The following VPS52 variants were observed in gnomAD, a reference collection of about 807,000 sequenced individuals.
VPS52 encodes the protein VPS52 subunit of GARP complex, also known as vacuolar protein sorting-associated protein 52 homolog.
In VPS52, 56 loss-of-function variants were observed where a neutral mutation model predicts 98.7. The observed-to-expected ratio is 0.57, with a 90% CI of 0.46 to 0.71. The LOEUF is 0.71. VPS52 is among the 30% of genes least tolerant of loss of function. The pLI is 0.00. For missense variants in VPS52, 742 were observed against 925.9 expected, an observed-to-expected ratio of 0.80 and a Z score of 2.58; for synonymous variants, 348 against 346.4, an observed-to-expected ratio of 1.00 and a Z score of -0.05.
At chr6:33,251,790 C>G in intron 18 of VPS52, 70 bp downstream of exon 18, 1 of 1,521,456 alleles carries the variant, frequency 6.6e-7, no homozygotes, top group Non-Finnish European at 9.1e-7. Flanking sequence ...ACCATGTAAT[C>G]TGCATCCTTT....
At position 33,266,727 on chromosome 6, in the gene VPS52, G is replaced by T; in HGVS notation, c.1126-15C>A. ...TCAAATGGATACTGGGAGAGGAGGAGTAAAGAAGAAAAACAGAAGGGATGG... is the reference window on the plus strand; with the variant it reads ...TCAAATGGATACTGGGAGAGGAGGATTAAAGAAGAAAAACAGAAGGGATGG... On this transcript the variant is annotated splice_polypyrimidine_tract_variant and intron_variant, in intron 11 of 19. Transcript: ENST00000445902. The T allele has an allele frequency of 6.3e-7, 1 of 1,590,798 alleles. No homozygotes were observed. Among genetic ancestry groups the T allele is most frequent in the African/African-American group, 1.4e-5 (1 of 74,068 alleles).
rs1250270999 is a variant in VPS52 at position 33,250,530 on chromosome 6, G to A, written c.*311C>T. On this transcript the variant is annotated 3_prime_UTR_variant, in exon 20 of 20. Transcript: ENST00000445902. ...AGATTGAGGCAGTGGTTTTTACAGG[G>A]GAAGAAACAAGCCTTGGGTGTATGG... 5 of 342,596 alleles carry A rather than the reference G, an allele frequency of 1.5e-5. No homozygotes were observed. The highest frequency in any genetic ancestry group is 2.7e-5 in the Non-Finnish European group (5 of 188,320). The allele number at this position is 342,596 out of a possible 1,614,324, so 21.2% of individuals were successfully genotyped here. A position where few individuals can be genotyped will look rare whatever the true frequency, so the allele number is the denominator to read the frequency against.
At position 33,267,249 on chromosome 6, in the gene VPS52, G is replaced by C; in HGVS notation, c.1064C>G (p.Ser355Cys). 1 of 1,604,612 alleles carries C rather than the reference G, an allele frequency of 6.2e-7. No homozygotes were observed. The highest frequency in any genetic ancestry group is 8.5e-7 in the Non-Finnish European group (1 of 1,175,882). ...FTLGTRGSVI[S>C]PTELEAPILV... is the part of the protein sequence containing the mutation. ...GATGGGGGCCTCAAGTTCAGTGGGG[G>C]AGATGACAGAGCCGCGGGTTCCTAG... Residue 355 changes from serine (S) to cysteine (C), a missense_variant, in exon 11 of 20, where the codon TCC (serine) becomes TGC (cysteine). Transcript: ENST00000445902. This position sits in a 1 kb window ranked among gnomAD's most constrained non-coding sequence, Gnocchi z 4.2.
intron 17 of VPS52, among the ~76,000 whole-genome samples, chr6:33,256,639 G>A (rs529195965): frequency 4.0e-5 from 6 of 151,150 alleles, no homozygotes; most frequent in African/African-American, 7.3e-5. Context: ...AAAACTTTTC[G>A]AGACCAGCCT....
Position 33,267,341 on chromosome 6 carries a change from G to A in VPS52, c.992-20C>T, listed in dbSNP as rs138172203. ...AGAATCGTAAGATGGGTCAGAGTCAGGGAAAACAATGAGACCATAACTGGG... is the reference window on the plus strand; with the variant it reads ...AGAATCGTAAGATGGGTCAGAGTCAAGGAAAACAATGAGACCATAACTGGG... On this transcript the variant is annotated intron_variant, in intron 10 of 19. Transcript: ENST00000445902. This position sits in a 1 kb window ranked among gnomAD's most constrained non-coding sequence, Gnocchi z 4.2. 1.1e-3 allele frequency: 1,713 copies of A among 1,555,266 alleles called. 8 individuals are homozygous for A. Among genetic ancestry groups the A allele is most frequent in the African/African-American group, 9.0e-3 (660 of 73,022 alleles).
intron 17 of VPS52, among the ~76,000 whole-genome samples, chr6:33,259,187 C>T (rs147279793): frequency 1.3e-5 from 2 of 152,152 alleles, no homozygotes; most frequent in African/African-American, 4.8e-5. Flanking sequence ...AACACCACTA[C>T]GGGGTAACTG....
intron 19 of VPS52, 109 bp downstream of exon 19, chr6:33,251,409 C>T: frequency 4.0e-6 from 3 of 753,108 alleles, no homozygotes; most frequent in Non-Finnish European, 6.9e-6. Context: ...TTGGGCACAG[C>T]TAGTAACTGA....
intron 19 of VPS52, 153 bp downstream of exon 19, chr6:33,251,365 A>C (rs213216): frequency 0.38 from 249,641 of 661,058 alleles, 50,548 homozygotes; most frequent in East Asian, 0.67. Context: ...AACAAACAAA[A>C]AAAAAAGAAT....
chr6:33,269,965 T>C, intron 3 of VPS52, 34 bp downstream of exon 3: 1 of 1,613,852 alleles, frequency 6.2e-7, no homozygotes, highest in East Asian at 2.2e-5. Flanking sequence ...GTAGAATAGA[T>C]AGAAGGGCAG....
At chr6:33,253,201 T>G (rs1762516744) in intron 17 of VPS52, among the ~76,000 whole-genome samples, 1 of 152,126 alleles carries the variant, frequency 6.6e-6, no homozygotes, top group African/African-American at 2.4e-5. Context: ...TAAAAATCAT[T>G]TATGAAGGCC....
chr6:33,253,844 TG>T (rs1233689995), intron 17 of VPS52, among the ~76,000 whole-genome samples: 2 of 152,070 alleles, frequency 1.3e-5, no homozygotes, highest in Non-Finnish European at 2.9e-5. Context: ...TCAAAGTAAC[TG>T]GGGGACACAG....
At chr6:33,264,560 G>C (rs1764060543) in intron 13 of VPS52, 63 bp from the exon 14 acceptor site, 1 of 1,605,312 alleles carries the variant, frequency 6.2e-7, no homozygotes, top group Non-Finnish European at 8.5e-7. Flanking sequence ...ATGGGAGGGA[G>C]TGGGGCATCA....
chr6:33,257,234 T>C (rs1363105419), intron 17 of VPS52, among the ~76,000 whole-genome samples: 1 of 152,092 alleles, frequency 6.6e-6, no homozygotes, highest in Non-Finnish European at 1.5e-5. Flanking sequence ...GAGGTCTCAC[T>C]ATACTGCCTA....
intron 13 of VPS52, 58 bp from the exon 14 acceptor site, chr6:33,264,555 AG>A: frequency 6.2e-7 from 1 of 1,606,452 alleles, no homozygotes; most frequent in Admixed American, 1.7e-5. Context: ...GGGGGATGGG[AG>A]GGAGTGGGGC....
At chr6:33,254,312 C>A (rs866059691) in intron 17 of VPS52, among the ~76,000 whole-genome samples, 1 of 152,042 alleles carries the variant, frequency 6.6e-6, no homozygotes, top group Non-Finnish European at 1.5e-5. Context: ...AAAATTGTAT[C>A]TTTTCTATTC....
chr6:33,261,681 G>A (rs1466890597), intron 17 of VPS52, among the ~76,000 whole-genome samples: 1 of 152,098 alleles, frequency 6.6e-6, no homozygotes, highest in Non-Finnish European at 1.5e-5. Flanking sequence ...AAAATTTCTT[G>A]AGCCATACCC....
Position 33,250,593 on chromosome 6 carries a change from A to C in VPS52, c.*248T>G, listed in dbSNP as rs1052134030. ...AGGGTGACAGACTGGAGAAATGATA[A>C]AGGCCATTTTGGAAGCCCACAGGGA... On this transcript the variant is annotated 3_prime_UTR_variant, in exon 20 of 20. Transcript: ENST00000445902. 1 of 516,214 alleles carries C rather than the reference A, an allele frequency of 1.9e-6. No individual in the cohort carries two copies. The highest frequency in any genetic ancestry group is 3.3e-5 in the East Asian group (1 of 30,600). 32.0% of individuals were successfully genotyped at this position (516,214 alleles called of 1,614,324 possible).
chr6:33,268,926 G>A lies in VPS52; in HGVS notation c.548+88C>T, dbSNP rs1764663337. 3.3e-6 allele frequency: 5 copies of A among 1,515,700 alleles called. No homozygotes were observed. In the East Asian group the frequency reaches 6.8e-5, roughly 21 times the overall value. 93.9% of individuals were successfully genotyped at this position (1,515,700 alleles called of 1,614,324 possible). ...ATTTCTAAAAAGCACTTAACCTGGAGCCAGGAGACCCATATGGTAAATAGG... is the reference window on the plus strand; with the variant it reads ...ATTTCTAAAAAGCACTTAACCTGGAACCAGGAGACCCATATGGTAAATAGG... On this transcript the variant is annotated intron_variant, in intron 6 of 19. Transcript: ENST00000445902. The surrounding 1 kb of genome is among the most constrained non-coding windows in gnomAD (Gnocchi z 4.0).
intron 12 of VPS52, among the ~76,000 whole-genome samples, chr6:33,265,846 G>T (rs1387948049): frequency 1.5e-5 from 2 of 132,120 alleles, no homozygotes; most frequent in Admixed American, 7.7e-5. Flanking sequence ...TCATGGGGGA[G>T]TAACACTGTG....
Sources: gnomAD v4.1 joint callset for allele counts (sites outside exome capture counted in the v4.1 genomes callset) on GRCh38, gnomAD v4.1.1 for gene constraint, Gnocchi (gnomAD v3.1) non-coding constraint, MANE v1.5 for transcripts, NCBI Gene and HGNC (gene_info 2026-07-23, HGNC 2026-07-21) for gene names.